Variants in STAG2 observed in about 807,000 individuals in gnomAD.
The protein encoded by STAG2 is STAG2 cohesin complex component.
In STAG2, 14 loss-of-function variants were observed where a neutral mutation model predicts 108.1. The ratio of observed to expected loss-of-function variants is 0.13; its 90% confidence interval spans 0.09 to 0.20. STAG2 has a LOEUF of 0.20. Among genes scored for constraint, STAG2 ranks in the 10% least tolerant of loss-of-function variants. The probability of loss-of-function intolerance (pLI) is 1.00; values close to 1 mark genes in which losing one functional copy is unlikely to be tolerated. For synonymous variants in STAG2, 307 were observed against 302.7 expected (o/e 1.01, Z -0.15); for missense variants, 440 against 940.9 (o/e 0.47, Z 6.96).
chrX:124,020,708 T>TTATG (rs1467497631), intron 1 of STAG2, among the ~76,000 whole-genome samples: 1 of 111,103 alleles, frequency 9.0e-6, no homozygotes, highest in Non-Finnish European at 1.9e-5. Flanking sequence ...ATTTTAAAAT[T>TTATG]TATGTATGTA....
At chrX:124,077,094 T>C (rs1479145355) in intron 26 of STAG2, among the ~76,000 whole-genome samples, 1 of 111,684 alleles carries the variant, frequency 9.0e-6, no homozygotes, top group Non-Finnish European at 1.9e-5. Flanking sequence ...AAAATCTAAT[T>C]ATAAATGTAA....
At chrX:124,040,543 G>T (rs754529025) in intron 6 of STAG2, among the ~76,000 whole-genome samples, 180 of 109,481 alleles carry the variant, frequency 1.6e-3, no homozygotes, top group African/African-American at 5.8e-3. Context: ...TTTCTTTTCT[G>T]CTCTGAGGTC....
chrX:124,083,366 T>G (rs1435790669), intron 28 of STAG2, 55 bp from the exon 29 acceptor site: 2 of 996,619 alleles, frequency 2.0e-6, no homozygotes, highest in Non-Finnish European at 2.6e-6. Flanking sequence ...TTATTGACTT[T>G]TTTATTATAG....
At chrX:124,033,977 A>C (rs1379207551) in intron 5 of STAG2, among the ~76,000 whole-genome samples, 1 of 110,962 alleles carries the variant, frequency 9.0e-6, no homozygotes, top group African/African-American at 3.3e-5. Flanking sequence ...TTGTGATCTT[A>C]TTGCCATCTA....
chrX:123,972,744 CT>C (rs1320972747), intron 1 of STAG2, among the ~76,000 whole-genome samples: 1 of 104,445 alleles, frequency 9.6e-6, no homozygotes, highest in Non-Finnish European at 2.0e-5. Context: ...ATGGGCTGGG[CT>C]AGGTGGCTCA....
At chrX:123,972,766 C>T (rs1479559571) in intron 1 of STAG2, among the ~76,000 whole-genome samples, 2 of 101,689 alleles carry the variant, frequency 2.0e-5, no homozygotes, top group Non-Finnish European at 4.0e-5. Flanking sequence ...TGCCTGTATT[C>T]CCAGCACTTT....
intron 20 of STAG2, among the ~76,000 whole-genome samples, chrX:124,064,518 A>G (rs1223730275): frequency 9.4e-6 from 1 of 105,865 alleles, no homozygotes; most frequent in Non-Finnish European, 1.9e-5. Flanking sequence ...ATCTCGGCTC[A>G]CTGCAGCTTC....
At chrX:124,098,451 G>T (rs2059437253) in intron 34 of STAG2, among the ~76,000 whole-genome samples, 3 of 110,955 alleles carry the variant, frequency 2.7e-5, no homozygotes. Flanking sequence ...TTAAGAAATG[G>T]AATAATGGAA....
At chrX:123,967,849 G>C (rs752851678) in intron 1 of STAG2, among the ~76,000 whole-genome samples, 1 of 109,141 alleles carries the variant, frequency 9.2e-6, no homozygotes, top group Non-Finnish European at 1.9e-5. Flanking sequence ...CGGTATAAAA[G>C]AAAAAATAGT....
At chrX:123,993,893 A>T (rs182271481) in intron 1 of STAG2, among the ~76,000 whole-genome samples, 20 of 111,668 alleles carry the variant, frequency 1.8e-4, no homozygotes, top group African/African-American at 5.2e-4. Flanking sequence ...AATTTTCCAT[A>T]ATTTATTTAT....
At chrX:123,977,498 G>C (rs1488715740) in intron 1 of STAG2, among the ~76,000 whole-genome samples, 1 of 110,927 alleles carries the variant, frequency 9.0e-6, no homozygotes, top group African/African-American at 3.3e-5. Flanking sequence ...TTCATAAAAA[G>C]TAGAAATGTT....
chrX:124,023,962 T>G (rs1240099220), intron 3 of STAG2, among the ~76,000 whole-genome samples: 2 of 111,849 alleles, frequency 1.8e-5, no homozygotes, highest in African/African-American at 3.3e-5. Context: ...CACTGAATGG[T>G]TAATACAGTA....
At chrX:124,001,027 G>A (rs1372889837) in intron 1 of STAG2, among the ~76,000 whole-genome samples, 1 of 112,204 alleles carries the variant, frequency 8.9e-6, no homozygotes, top group African/African-American at 3.2e-5. Context: ...AGGAGTCAGT[G>A]TAAAAGTTTA....
At chrX:124,015,510 A>C (rs1602847444) in intron 1 of STAG2, among the ~76,000 whole-genome samples, 2 of 107,008 alleles carry the variant, frequency 1.9e-5, no homozygotes, top group South Asian at 8.3e-4. Context: ...TCAGCCTCCC[A>C]AGTAGCTGGG....
At chrX:124,035,649 A>G (rs2057494357) in intron 5 of STAG2, among the ~76,000 whole-genome samples, 1 of 112,334 alleles carries the variant, frequency 8.9e-6, no homozygotes, top group Non-Finnish European at 1.9e-5. Flanking sequence ...GTTAGGGACT[A>G]TAATCATTTG....
chrX:124,085,760 T>G (rs1378068764), intron 29 of STAG2, among the ~76,000 whole-genome samples: 1 of 65,135 alleles, frequency 1.5e-5, no homozygotes, highest in Non-Finnish European at 2.7e-5. Flanking sequence ...GATGACAGAG[T>G]GAGACTGTGT....
At chrX:123,970,696 A>T (rs2054315633) in intron 1 of STAG2, among the ~76,000 whole-genome samples, 1 of 111,992 alleles carries the variant, frequency 8.9e-6, no homozygotes, top group Non-Finnish European at 1.9e-5. Context: ...TTTTATTTAT[A>T]AGAAGGAATA....
intron 32 of STAG2, 96 bp downstream of exon 32, chrX:124,091,060 C>A (rs1420047312): frequency 3.2e-6 from 2 of 618,390 alleles, no homozygotes. Context: ...AGCAAACTCT[C>A]TAGAGTAACC....
intron 27 of STAG2, among the ~76,000 whole-genome samples, chrX:124,080,634 G>A (rs113683631): frequency 0.011 from 1,185 of 109,842 alleles, 16 homozygotes; most frequent in African/African-American, 0.037. Flanking sequence ...GTTGCAGTGA[G>A]CCAAGATCAT....
Sources: gnomAD v4.1 joint callset for allele counts (sites outside exome capture counted in the v4.1 genomes callset) on GRCh38, gnomAD v4.1.1 for gene constraint, MANE v1.5 for transcripts, NCBI Gene and HGNC (gene_info 2026-07-23, HGNC 2026-07-21) for gene names.